The following KRT38 variants were observed in gnomAD, a reference collection of about 807,000 sequenced individuals.
The protein encoded by KRT38 is keratin 38.
KRT38 carries 45 observed loss-of-function variants against 43.1 expected under a neutral mutation model. The observed-to-expected ratio is 1.04, with a 90% CI of 0.82 to 1.34. KRT38 has a LOEUF of 1.34. Ranked by LOEUF, KRT38 falls within the 40% of genes most tolerant of loss-of-function variation. The probability of loss-of-function intolerance (pLI) is 0.00; values close to 1 mark genes in which losing one functional copy is unlikely to be tolerated. For missense variants in KRT38, 627 were observed against 586.2 expected, an observed-to-expected ratio of 1.07 and a Z score of -0.72; for synonymous variants, 258 against 244.0, an observed-to-expected ratio of 1.06 and a Z score of -0.53.
rs2018782554 is a variant in KRT38 at position 41,440,463 on chromosome 17, A to G, written c.459T>C (p.Ser153=). The change falls in exon 1 of 7, where the codon TCT becomes TCC. Residue 153 remains serine (S), a synonymous_variant. Coordinates refer to ENST00000246646, the MANE Select transcript of KRT38 (RefSeq NM_006771.4). The stretch of plus-strand genomic sequence containing the variant: ...GGAGCTCCTCGATGGTGTGGAAGTA[A>G]GACTGGTAGTCGGGGCACACGGTGG... ...HESTVCPDYQ[S]YFHTIEELQQ... The G allele has an allele frequency of 6.2e-7, 1 of 1,614,180 alleles. No individual in the cohort carries two copies. The highest frequency in any genetic ancestry group is 8.5e-7 in the Non-Finnish European group (1 of 1,180,040).
chr17:41,440,452 G>C lies in KRT38; in HGVS notation c.470C>G (p.Thr157Ser), dbSNP rs1009502967. 4 of 1,614,132 alleles carry C rather than the reference G, an allele frequency of 2.5e-6. No homozygotes were observed. Among genetic ancestry groups the C allele is most frequent in the Non-Finnish European group, 3.4e-6 (4 of 1,179,978 alleles). The change falls in exon 1 of 7, where the codon ACC becomes AGC. Residue 157 changes from threonine to serine, a missense_variant. Thr to Ser is a moderately conservative substitution (Grantham distance 58). Coordinates refer to ENST00000246646, the MANE Select transcript of KRT38 (RefSeq NM_006771.4). ...CACCTTCTGTTGGAGCTCCTCGATG[G>C]TGTGGAAGTAAGACTGGTAGTCGGG... ...VCPDYQSYFH[T>S]IEELQQKILC...
chr17:41,439,338 C>A lies in KRT38; in HGVS notation c.597G>T (p.Leu199=), dbSNP rs2018769700. 3 of 1,614,102 alleles carry A rather than the reference C, an allele frequency of 1.9e-6. No individual in the cohort carries two copies. Among genetic ancestry groups the A allele is most frequent in the South Asian group, 1.1e-5 (1 of 91,084 alleles). Residue 199 remains leucine, a synonymous_variant, in exon 3 of 7, where the codon CTG becomes CTT. Transcript: ENST00000246646. ...ACTTGTCTGCCTCCACCAGCTGGCG[C>A]AGGGAGCGCTCACTCTCCAGCCTTT... is the stretch of plus-strand genomic sequence containing the variant. ...FRIKLESERS[L]RQLVEADKCG...
chr17:41,440,516 G>GTGTGGC lies in KRT38; in HGVS notation c.400_405dup (p.Ala134_Thr135dup). 5.0e-6 allele frequency: 8 copies of GTGTGGC among 1,614,224 alleles called. No individual in the cohort carries two copies. The highest frequency in any genetic ancestry group is 6.8e-6 in the Non-Finnish European group (8 of 1,180,046). On this transcript the variant is annotated inframe_insertion, in exon 1 of 7. Coordinates refer to ENST00000246646, the MANE Select transcript of KRT38 (RefSeq NM_006771.4). The stretch of plus-strand genomic sequence containing the variant: ...TCGTGGCACTTGCTCCTCTCGAGGA[G>GTGTGGC]TGTGGCCTCCAGCTCCGCATTCTCC...
intron 5 of KRT38, 35 bp from the exon 6 acceptor site, chr17:41,438,348 G>T: frequency 1.2e-6 from 2 of 1,605,958 alleles, no homozygotes; most frequent in Non-Finnish European, 1.7e-6. Flanking sequence ...AATATACAAG[G>T]CCCCAAGGGA....
At position 41,437,292 on chromosome 17, in the gene KRT38, C is replaced by A; in HGVS notation, c.*120G>T. 1 of 1,054,034 alleles carries A rather than the reference C, an allele frequency of 9.5e-7. No homozygotes were observed. The highest frequency in any genetic ancestry group is 2.9e-5 in the South Asian group (1 of 34,298). The allele number at this position is 1,054,034 out of a possible 1,614,324, so 65.3% of individuals were successfully genotyped here. On this transcript the variant is annotated 3_prime_UTR_variant, in exon 7 of 7. Transcript: ENST00000246646. Reference sequence around the variant, plus strand: ...CAAGATTCCACTGTCCCTGGTATCTCATAGCCTTTGGACAGGCCTATACAT... The same window carrying A: ...CAAGATTCCACTGTCCCTGGTATCTAATAGCCTTTGGACAGGCCTATACAT...
chr17:41,438,609 C>T lies in KRT38; in HGVS notation c.902G>A (p.Gly301Asp), dbSNP rs1597732380. 1 of 1,614,118 alleles carries T rather than the reference C, an allele frequency of 6.2e-7. No homozygotes were observed. Among genetic ancestry groups the T allele is most frequent in the Non-Finnish European group, 8.5e-7 (1 of 1,180,018 alleles). Reference sequence around the variant, plus strand: ...GCAGGACATGTCCTGCAGGCTGATGCCTTCAGACTGGAGCACAGAGAGACA... The same window carrying T: ...GCAGGACATGTCCTGCAGGCTGATGTCTTCAGACTGGAGCACAGAGAGACA... ...VEQWFQAQSE[G>D]ISLQDMSCSE... Residue 301 changes from glycine (G) to aspartate (D), a missense_variant, in exon 5 of 7, where the codon GGC becomes GAC. Gly to Asp is a moderately conservative substitution (Grantham distance 94, BLOSUM62 -1). Transcript: ENST00000246646.
At chr17:41,439,172 TC>T in intron 3 of KRT38, 30 bp downstream of exon 3, 8 of 1,605,194 alleles carry the variant, frequency 5.0e-6, no homozygotes, top group Non-Finnish European at 6.8e-6. Flanking sequence ...CCCAGTGCCC[TC>T]CCCAGGAGTT....
intron 2 of KRT38, 23 bp from the exon 3 acceptor site, chr17:41,439,382 G>T: frequency 6.2e-7 from 1 of 1,609,700 alleles, no homozygotes; most frequent in South Asian, 1.1e-5. Flanking sequence ...GAGGTACAGG[G>T]TCAAAAAGAA....
chr17:41,439,342 G>C lies in KRT38; in HGVS notation c.593C>G (p.Ser198Cys), dbSNP rs756656915. 1 of 1,614,038 alleles carries C rather than the reference G, an allele frequency of 6.2e-7. No individual in the cohort carries two copies. Among genetic ancestry groups the C allele is most frequent in the South Asian group, 1.1e-5 (1 of 91,076 alleles). Residue 198 changes from serine to cysteine, a missense_variant, in exon 3 of 7, where the codon TCC becomes TGC. By Grantham distance (112) the Ser-to-Cys change is moderately radical. Transcript: ENST00000246646. The part of the protein sequence containing the change: ...DFRIKLESER[S>C]LRQLVEADKC... Reference sequence around the variant, plus strand: ...GTCTGCCTCCACCAGCTGGCGCAGGGAGCGCTCACTCTCCAGCCTTTCATC... The same window carrying C: ...GTCTGCCTCCACCAGCTGGCGCAGGCAGCGCTCACTCTCCAGCCTTTCATC...
chr17:41,437,832 G>C (rs546147314), intron 6 of KRT38, among the ~76,000 whole-genome samples: 2 of 152,288 alleles, frequency 1.3e-5, no homozygotes, highest in Admixed American at 6.5e-5. Flanking sequence ...TCTCCTGTTT[G>C]AGCAGCGACC....
chr17:41,439,281 G>T lies in KRT38; in HGVS notation c.654C>A (p.Thr218=). Residue 218 remains threonine (T), a synonymous_variant, in exon 3 of 7, where the codon ACC becomes ACA. Coordinates refer to ENST00000246646, the MANE Select transcript of KRT38 (RefSeq NM_006771.4). ...CGTQKLLDDA[T]LAKADLEAQQ... ...GGGCCTCCAGGTCGGCCTTGGCCAG[G>T]GTCGCATCATCCAGGAGCTTCTGTG... 1 of 1,614,222 alleles carries T rather than the reference G, an allele frequency of 6.2e-7. No individual in the cohort carries two copies. The highest frequency in any genetic ancestry group is 1.1e-5 in the South Asian group (1 of 91,084).
In KRT38 at chr17:41,438,837, G is replaced by A; in HGVS notation, c.754C>T (p.Gln252Ter). ...HEQEVKILRS[Q>*]LGEKLRIELD... ...TCAATCCGGAGCTTCTCCCCCAGCTGACTCCTCAGAATCTTTACTTCCTGC... is the reference window on the plus strand; with the variant it reads ...TCAATCCGGAGCTTCTCCCCCAGCTAACTCCTCAGAATCTTTACTTCCTGC... The change falls in exon 4 of 7, where the codon CAG becomes TAG. Residue 252 changes from glutamine (Q) to a stop codon, truncating the protein, a stop_gained. Transcript: ENST00000246646. LOFTEE classifies it high-confidence loss of function. 6.2e-7 allele frequency: 1 copy of A among 1,614,140 alleles called. No individual in the cohort carries two copies. The highest frequency in any genetic ancestry group is 1.1e-5 in the South Asian group (1 of 91,072).
chr17:41,438,938 C>T, intron 3 of KRT38, 80 bp from the exon 4 acceptor site: 1 of 1,529,716 alleles, frequency 6.5e-7, no homozygotes, highest in South Asian at 1.2e-5. Context: ...GACCCCGCCC[C>T]TGGCAAGCAG....
intron 6 of KRT38, 67 bp from the exon 7 acceptor site, chr17:41,437,608 G>A (rs188375863): frequency 3.5e-5 from 52 of 1,487,996 alleles, no homozygotes; most frequent in East Asian, 1.3e-4. Context: ...CCATGTGGGG[G>A]CATGAGGAAG....
rs1470754028 is a variant in KRT38 at position 41,438,107 on chromosome 17, T to C, written c.1227A>G (p.Glu409=). The C allele has an allele frequency of 3.7e-6, 6 of 1,614,180 alleles. No homozygotes were observed. The African/African-American group carries it at 4.0e-5, about 11-fold the overall frequency. ...NEIATYRNLL[E]SEDCKLPCNP... is the part of the protein sequence containing the mutation. ...ATCACACGTACTTGCAGTCCTCGCT[T>C]TCCAGAAGGTTCCGGTACGTGGCAA... The change falls in exon 6 of 7, where the codon GAA becomes GAG. Residue 409 remains glutamate (E), a synonymous_variant. Coordinates refer to ENST00000246646, the MANE Select transcript of KRT38 (RefSeq NM_006771.4).
At position 41,438,690 on chromosome 17, in the gene KRT38, C is replaced by G. The variant is rs559745940; in HGVS notation, c.894+7G>C. ...GTACCCCCTGGTTCTATACCCCCCC[C>G]ACTCACCTGGGCTTGGAACCACTGT... On this transcript the variant is annotated splice_region_variant and intron_variant, in intron 4 of 6. Transcript: ENST00000246646. 2 of 1,599,240 alleles carry G rather than the reference C, an allele frequency of 1.3e-6. No homozygotes were observed. Among genetic ancestry groups the G allele is most frequent in the African/African-American group, 1.4e-5 (1 of 73,778 alleles).
Position 41,438,733 on chromosome 17 carries a change from G to A in KRT38, c.858C>T (p.Thr286=). Residue 286 remains threonine, a synonymous_variant, in exon 4 of 7, where the codon ACC becomes ACT. Transcript: ENST00000246646. The part of the protein sequence containing the change: ...MRAQYEAMLE[T]NRQDVEQWFQ... ...ACCACTGTTCCACATCCTGGCGGTT[G>A]GTCTCCAACATGGCCTCATACTGAG... 1 of 1,613,954 alleles carries A rather than the reference G, an allele frequency of 6.2e-7. No individual in the cohort carries two copies. The highest frequency in any genetic ancestry group is 8.5e-7 in the Non-Finnish European group (1 of 1,179,964).
In KRT38 at chr17:41,437,156, T is replaced by C. The variant is rs537541504; in HGVS notation, c.*256A>G. The C allele has an allele frequency of 2.3e-3, 867 of 376,810 alleles. 1 individual carries two copies. Among genetic ancestry groups the C allele is most frequent in the Non-Finnish European group, 3.5e-3 (757 of 213,270 alleles). The allele number at this position is 376,810 out of a possible 1,614,324, so 23.3% of individuals were successfully genotyped here. ...CCTACTCCAAAATGCTTTTCAACCT[T>C]ATGCCTCTCCAATCCAGATATTCTG... On this transcript the variant is annotated 3_prime_UTR_variant, in exon 7 of 7. Transcript: ENST00000246646.
chr17:41,438,293 G>A lies in KRT38; in HGVS notation c.1041C>T (p.Ser347=), dbSNP rs767800033. The change falls in exon 6 of 7, where the codon TCC becomes TCT. Residue 347 remains serine, a synonymous_variant. Transcript: ENST00000246646. ...QHTLKDCLQN[S]LCEAEDRFGT... ...CGAAGCGGTCCTCGGCTTCACACAG[G>A]GAGTTCTGCAGACAGTCCTTCTGTA... is the stretch of plus-strand genomic sequence containing the variant. The A allele has an allele frequency of 1.1e-5, 18 of 1,613,976 alleles. No individual in the cohort carries two copies. The Admixed American group carries it at 2.3e-4, about 21-fold the overall frequency.
Sources: gnomAD v4.1 joint callset for allele counts (sites outside exome capture counted in the v4.1 genomes callset) on GRCh38, gnomAD v4.1.1 for gene constraint, MANE v1.5 for transcripts, NCBI Gene and HGNC (gene_info 2026-07-23, HGNC 2026-07-21) for gene names.